Variants in NYAP2 observed in about 807,000 individuals in gnomAD.
NYAP2 encodes the protein neuronal tyrosine-phosphorylated phosphoinositide-3-kinase adapter 2.
NYAP2 carries 23 observed loss-of-function variants against 50.4 expected under a neutral mutation model. That is an observed-to-expected ratio of 0.46 (90% CI 0.33 to 0.65). NYAP2 has a LOEUF of 0.65. NYAP2 is among the 30% of genes least tolerant of loss of function. The pLI is 0.02. For missense variants in NYAP2, 885 were observed against 861.0 expected (o/e 1.03, Z -0.35); for synonymous variants, 394 against 365.2 (o/e 1.08, Z -0.90).
At chr2:225,697,842 T>G in the NYAP2 span, among the ~76,000 whole-genome samples, 1 of 151,990 alleles carries the variant, frequency 6.6e-6, no homozygotes, top group African/African-American at 2.4e-5. Context: ...TCCATTCTTT[T>G]ATTTTTGTTT....
chr2:225,630,137 G>A (rs929884428), intron 6 of NYAP2, among the ~76,000 whole-genome samples: 3 of 152,150 alleles, frequency 2.0e-5, no homozygotes, highest in Non-Finnish European at 4.4e-5. Flanking sequence ...AAAGTGTTTG[G>A]TATAAAGGAT....
chr2:225,529,453 G>A (rs1691212795), intron 4 of NYAP2, among the ~76,000 whole-genome samples: 1 of 151,854 alleles, frequency 6.6e-6, no homozygotes, highest in African/African-American at 2.4e-5. Flanking sequence ...AGCCCCCCGA[G>A]TAGCTGGCAT....
At chr2:225,460,030 A>G (rs1689801689) in intron 3 of NYAP2, among the ~76,000 whole-genome samples, 1 of 152,198 alleles carries the variant, frequency 6.6e-6, no homozygotes, top group Non-Finnish European at 1.5e-5. Flanking sequence ...ATAATTAGAA[A>G]GTACTAGCAA....
chr2:225,609,814 C>T (rs1692849075), intron 5 of NYAP2, among the ~76,000 whole-genome samples: 1 of 152,056 alleles, frequency 6.6e-6, no homozygotes, highest in Non-Finnish European at 1.5e-5. Flanking sequence ...TGGAAAAGGT[C>T]CTTAAAGGTG....
At chr2:225,575,979 C>A (rs976537778) in intron 4 of NYAP2, among the ~76,000 whole-genome samples, 5 of 152,158 alleles carry the variant, frequency 3.3e-5, no homozygotes, top group African/African-American at 7.2e-5. Flanking sequence ...ATGCTGGTTA[C>A]AAACTCTAAT....
the NYAP2 span, chr2:225,702,301 T>G: frequency 6.6e-6 from 1 of 151,890 alleles, no homozygotes; most frequent in African/African-American, 2.4e-5. Context: ...GTGGACCATT[T>G]TTTACTAATC....
At chr2:225,440,033 T>TA (rs1208137244) in intron 3 of NYAP2, among the ~76,000 whole-genome samples, 1 of 152,170 alleles carries the variant, frequency 6.6e-6, no homozygotes, top group Non-Finnish European at 1.5e-5. Context: ...ACTCACTCAT[T>TA]ATCACTAGAA....
chr2:225,629,721 G>A (rs374539094), intron 6 of NYAP2, among the ~76,000 whole-genome samples: 2 of 152,028 alleles, frequency 1.3e-5, no homozygotes, highest in African/African-American at 4.8e-5. Flanking sequence ...AAACTCAACG[G>A]GCATCTGGCT....
intron 6 of NYAP2, among the ~76,000 whole-genome samples, chr2:225,632,724 T>C (rs1322164053): frequency 6.6e-6 from 1 of 152,174 alleles, no homozygotes; most frequent in East Asian, 1.9e-4. Flanking sequence ...AAATATGGTA[T>C]TGACAAAAAC....
At chr2:225,545,038 C>A (rs1471076844) in intron 4 of NYAP2, among the ~76,000 whole-genome samples, 1 of 152,146 alleles carries the variant, frequency 6.6e-6, no homozygotes, top group East Asian at 1.9e-4. Flanking sequence ...AAGATTTCAA[C>A]TGAAACATCT....
At chr2:225,475,873 A>T (rs1289913712) in intron 3 of NYAP2, among the ~76,000 whole-genome samples, 2 of 152,240 alleles carry the variant, frequency 1.3e-5, no homozygotes, top group Non-Finnish European at 2.9e-5. Context: ...GTTCTGGAGA[A>T]CATGGCACCT....
Position 225,601,368 on chromosome 2 carries a change from T to C in NYAP2, c.1618+18333T>C, listed in dbSNP as rs539608846. Among the ~76,000 whole-genome samples the C allele has an allele frequency of 3.3e-5, 5 of 152,134 alleles. No homozygotes were observed. The East Asian group carries it at 9.7e-4, about 29-fold the overall frequency. ...TCTCTTGACCTTGGGTCTCGATCTCTTGACCTCGTGATCCATCCTCCCGGC... is the reference window on the plus strand; with the variant it reads ...TCTCTTGACCTTGGGTCTCGATCTCCTGACCTCGTGATCCATCCTCCCGGC... On this transcript the variant is annotated intron_variant, in intron 5 of 6. Coordinates refer to ENST00000636099, the Ensembl canonical transcript of NYAP2.
intron 5 of NYAP2, among the ~76,000 whole-genome samples, chr2:225,589,816 G>T (rs1312509871): frequency 3.7e-4 from 56 of 151,992 alleles, no homozygotes; most frequent in Admixed American, 3.7e-3. Context: ...AACAGGTATT[G>T]AAAAACCAAA....
At chr2:225,404,786 A>C (rs184746758) in intron 2 of NYAP2, among the ~76,000 whole-genome samples, 3 of 152,160 alleles carry the variant, frequency 2.0e-5, no homozygotes, top group Admixed American at 2.0e-4. Context: ...TGATGATTCT[A>C]GATACAGTAA....
chr2:225,467,162 C>T (rs922357281), intron 3 of NYAP2, among the ~76,000 whole-genome samples: 1 of 152,098 alleles, frequency 6.6e-6, no homozygotes, highest in Non-Finnish European at 1.5e-5. Flanking sequence ...CGGAGTTGTA[C>T]GCATACTCAC....
intron 4 of NYAP2, 81 bp from the exon 5 acceptor site, chr2:225,581,860 T>C: frequency 7.3e-7 from 1 of 1,372,822 alleles, no homozygotes; most frequent in East Asian, 2.3e-5. Flanking sequence ...TAAAGTTTAT[T>C]GTAGTAAACC....
intron 5 of NYAP2, among the ~76,000 whole-genome samples, 159 bp downstream of exon 5, chr2:225,583,194 T>C (rs973033520): frequency 4.6e-5 from 7 of 152,220 alleles, no homozygotes; most frequent in Non-Finnish European, 8.8e-5. Flanking sequence ...ATTTTTGCCA[T>C]GCTAAACCAA....
At chr2:225,510,800 TG>T (rs1690797919) in intron 3 of NYAP2, among the ~76,000 whole-genome samples, 1 of 152,036 alleles carries the variant, frequency 6.6e-6, no homozygotes, top group African/African-American at 2.4e-5. Flanking sequence ...TGTGTGTGTG[TG>T]TGTGTAAAAG....
At chr2:225,558,980 G>A (rs1426022877) in intron 4 of NYAP2, among the ~76,000 whole-genome samples, 1 of 152,096 alleles carries the variant, frequency 6.6e-6, no homozygotes, top group Admixed American at 6.6e-5. Flanking sequence ...TGGGTAACTG[G>A]AGTTTTAGTC....
Sources: gnomAD v4.1 joint callset for allele counts (sites outside exome capture counted in the v4.1 genomes callset) on GRCh38, gnomAD v4.1.1 for gene constraint, MANE v1.5 for transcripts, NCBI Gene and HGNC (gene_info 2026-07-23, HGNC 2026-07-21) for gene names.